USH1C: variants seen among roughly 807,000 people sequenced by gnomAD.
USH1C encodes USH1 protein network component harmonin.
A neutral mutation model predicts 119.3 loss-of-function variants in USH1C; 90 were observed. The observed-to-expected ratio is 0.75, with a 90% confidence interval of 0.64 to 0.90. The LOEUF (loss-of-function observed/expected upper bound fraction) is 0.90. Ranked by LOEUF, USH1C falls within the 40% of genes least tolerant of loss-of-function variation. The pLI, the probability that USH1C is intolerant of heterozygous loss-of-function variation, is 0.00. For synonymous variants in USH1C, 465 were observed against 443.3 expected, an observed-to-expected ratio of 1.05 and a Z score of -0.62; for missense variants, 1,165 against 1,167.7, an observed-to-expected ratio of 1.00 and a Z score of 0.03.
At chr11:17,506,026 C>T (rs548797996) in intron 18 of USH1C, 77 bp from the exon 19 acceptor site, 3 of 1,603,862 alleles carry the variant, frequency 1.9e-6, no homozygotes, top group Admixed American at 1.7e-5. Flanking sequence ...CTTCTACACA[C>T]ATGCAAATCT....
Position 17,503,011 on chromosome 11 carries a change from C to T in USH1C, c.2185-1031G>A, listed in dbSNP as rs372479380. 2.6e-5 allele frequency among the ~76,000 whole-genome samples: 4 copies of T among 152,176 alleles called. No homozygotes were observed. The East Asian group carries it at 5.8e-4, about 22-fold the overall frequency. On this transcript the variant is annotated intron_variant, in intron 20 of 26. Transcript: ENST00000005226. ...TGGGGAGGCTACAGATTCCCCTATC[C>T]TCAGAATGCACCAACTAGGTTCCGG...
chr11:17,494,001 G>C lies in USH1C; in HGVS notation c.*331C>G, dbSNP rs1849155241. 1 of 423,430 alleles carries C rather than the reference G, an allele frequency of 2.4e-6. No homozygotes were observed. The highest frequency in any genetic ancestry group is 4.4e-6 in the Non-Finnish European group (1 of 226,128). 26.2% of individuals were successfully genotyped at this position (423,430 alleles called of 1,614,324 possible). The stretch of plus-strand genomic sequence containing the variant: ...GGCAGAGGAGAGGGATGGAGAGAGA[G>C]AGACTCCAGTGGGGTCTTATTAGGG... On this transcript the variant is annotated 3_prime_UTR_variant, in exon 27 of 27. Transcript: ENST00000005226.
At chr11:17,508,511 TG>T (rs1849735541) in intron 18 of USH1C, among the ~76,000 whole-genome samples, 1 of 152,228 alleles carries the variant, frequency 6.6e-6, no homozygotes, top group African/African-American at 2.4e-5. Context: ...GAGATGCCTT[TG>T]CACTGACTCA....
chr11:17,542,229 T>C (rs1851500309), intron 1 of USH1C, among the ~76,000 whole-genome samples: 1 of 152,246 alleles, frequency 6.6e-6, no homozygotes, highest in South Asian at 2.1e-4. Flanking sequence ...ACTAAGGATT[T>C]AGATCACAAA....
At chr11:17,534,541 A>G (rs2133934856) in intron 1 of USH1C, among the ~76,000 whole-genome samples, 1 of 152,338 alleles carries the variant, frequency 6.6e-6, no homozygotes, top group Admixed American at 6.5e-5. Flanking sequence ...CACCTGCTCC[A>G]AAAGGGCACC....
chr11:17,494,624 G>GA (rs1185994851), intron 26 of USH1C: 1 of 585,618 alleles, frequency 1.7e-6, no homozygotes, highest in African/African-American at 1.9e-5. Context: ...GGAGGAACAG[G>GA]GGCAAGAGTC....
chr11:17,517,089 A>G (rs1565043093), intron 14 of USH1C, among the ~76,000 whole-genome samples: 1 of 152,078 alleles, frequency 6.6e-6, no homozygotes, highest in Admixed American at 6.5e-5. Context: ...GCTGGATTTG[A>G]GAGTGGTCTA....
chr11:17,534,710 A>G (rs1251786113), intron 1 of USH1C, among the ~76,000 whole-genome samples: 1 of 152,072 alleles, frequency 6.6e-6, no homozygotes, highest in African/African-American at 2.4e-5. Context: ...CCCTGTCTCT[A>G]TTAAAATACA....
At chr11:17,533,684 T>C in intron 1 of USH1C, 2 of 489,704 alleles carry the variant, frequency 4.1e-6, no homozygotes, top group Non-Finnish European at 8.0e-6. Flanking sequence ...CCCATGGCTG[T>C]GTCATCCATG....
At chr11:17,503,047 A>T (rs946041296) in intron 20 of USH1C, among the ~76,000 whole-genome samples, 1 of 152,166 alleles carries the variant, frequency 6.6e-6, no homozygotes, top group African/African-American at 2.4e-5. Context: ...GCACAAGATG[A>T]GCACCAAATA....
rs1025205332 is a variant in USH1C at position 17,521,339 on chromosome 11, T to A, written c.1085+7A>T. 1 of 1,613,958 alleles carries A rather than the reference T, an allele frequency of 6.2e-7. No individual in the cohort carries two copies. The highest frequency in any genetic ancestry group is 1.7e-5 in the Admixed American group (1 of 59,992). On this transcript the variant is annotated splice_region_variant and intron_variant, in intron 13 of 26. Transcript: ENST00000005226. ...TGCACAGACACGCGTGGAGCCGAGG[T>A]ACTCACTGTTCCATCTCCTTCCGGT...
intron 1 of USH1C, among the ~76,000 whole-genome samples, chr11:17,540,053 A>G (rs1851396664): frequency 6.6e-6 from 1 of 151,898 alleles, no homozygotes; most frequent in Non-Finnish European, 1.5e-5. Flanking sequence ...GCTGGTCTCA[A>G]ACTCATGGAC....
At chr11:17,518,888 G>A (rs1347074633) in intron 14 of USH1C, among the ~76,000 whole-genome samples, 3 of 152,218 alleles carry the variant, frequency 2.0e-5, no homozygotes, top group African/African-American at 4.8e-5. Context: ...GCTTGGTGGC[G>A]CATGCCTGTA....
At position 17,509,578 on chromosome 11, in the gene USH1C, C is replaced by A. The variant is rs1434502978; in HGVS notation, c.1791G>T (p.Gln597His). The stretch of plus-strand genomic sequence containing the variant: ...GGATGGGAATGGGGGGTGGAGTGCG[C>A]TGCACCCATGGAGAGGATGAGGCGC... ...HVSASSSPWVQRTPPPIPIPP... is the reference protein window; with the variant it reads ...HVSASSSPWVHRTPPPIPIPP... Residue 597 changes from glutamine to histidine, a missense_variant, in exon 18 of 27, where the codon CAG becomes CAT. Coordinates refer to ENST00000005226, the MANE Select transcript of USH1C (RefSeq NM_153676.4). 6.3e-7 allele frequency: 1 copy of A among 1,598,132 alleles called. No homozygotes were observed. Among genetic ancestry groups the A allele is most frequent in the Admixed American group, 1.7e-5 (1 of 58,830 alleles).
At chr11:17,528,880 C>T (rs1316055259) in intron 4 of USH1C, among the ~76,000 whole-genome samples, 1 of 152,244 alleles carries the variant, frequency 6.6e-6, no homozygotes, top group Non-Finnish European at 1.5e-5. Flanking sequence ...TAACTCCTTC[C>T]ACCTATTTTT....
intron 8 of USH1C, 30 bp from the exon 9 acceptor site, chr11:17,524,565 A>C: frequency 6.4e-7 from 1 of 1,552,064 alleles, no homozygotes; most frequent in Non-Finnish European, 8.7e-7. Context: ...TGTGCTCGGG[A>C]TTCAGGTAAC....
intron 14 of USH1C, among the ~76,000 whole-genome samples, chr11:17,517,133 G>C (rs1477615734): frequency 6.6e-6 from 1 of 152,124 alleles, no homozygotes; most frequent in Non-Finnish European, 1.5e-5. Context: ...AGCAGCAGAG[G>C]GGGAATTTGG....
chr11:17,495,229 G>A (rs549568248), intron 26 of USH1C: 45 of 377,268 alleles, frequency 1.2e-4, no homozygotes, highest in South Asian at 1.2e-3. Context: ...CTGGTTCGAG[G>A]CATTGTCTGT....
intron 14 of USH1C, among the ~76,000 whole-genome samples, chr11:17,520,585 A>G: frequency 6.6e-6 from 1 of 152,080 alleles, no homozygotes; most frequent in Non-Finnish European, 1.5e-5. Context: ...CACTTTCACT[A>G]TGGCCCTTAT....
Sources: allele counts gnomAD v4.1 joint callset (sites outside exome capture counted in the v4.1 genomes callset), GRCh38; gene constraint gnomAD v4.1.1; transcripts MANE v1.5; gene names NCBI Gene and HGNC (gene_info 2026-07-23, HGNC 2026-07-21).